Variants in CACNB2 observed in about 807,000 individuals in gnomAD.
CACNB2 encodes the protein voltage-dependent L-type calcium channel subunit beta-2.
In CACNB2, 42 loss-of-function variants were observed where a neutral mutation model predicts 73.3. That is an observed-to-expected ratio of 0.57 (90% CI 0.45 to 0.74). CACNB2 has a LOEUF of 0.74. CACNB2 is among the 30% of genes least tolerant of loss of function. The pLI, the probability that CACNB2 is intolerant of heterozygous loss-of-function variation, is 0.00. For missense variants in CACNB2, 940 were observed against 853.0 expected (o/e 1.10, Z -1.27); for synonymous variants, 348 against 310.3 (o/e 1.12, Z -1.28).
intron 2 of CACNB2, among the ~76,000 whole-genome samples, chr10:18,205,361 G>A (rs948503595): frequency 3.9e-5 from 6 of 152,214 alleles, no homozygotes; most frequent in Non-Finnish European, 7.3e-5. Context: ...ACTAAGCGCA[G>A]CAATTAGCCC....
intron 3 of CACNB2, among the ~76,000 whole-genome samples, chr10:18,449,905 A>G (rs1263341259): frequency 1.3e-5 from 2 of 152,220 alleles, no homozygotes; most frequent in East Asian, 3.9e-4. Context: ...AGTGTTGAGA[A>G]CAAGAGGTAG....
In CACNB2 at chr10:18,261,242, C is replaced by A. The variant is rs894227814; in HGVS notation, c.213+110267C>A. ...GGCACAGTGCAGCTTGGTGAAGCCA[C>A]ACGCTGACTGCGTTCTGCCCCCTCT... On this transcript the variant is annotated intron_variant, in intron 2 of 13. Coordinates refer to ENST00000324631, the MANE Select transcript of CACNB2 (RefSeq NM_201596.3). 3.2e-5 allele frequency: 50 copies of A among 1,550,764 alleles called. No individual in the cohort carries two copies. In the East Asian group the frequency reaches 1.2e-3, roughly 36 times the overall value.
At chr10:18,329,537 A>C (rs958650199) in intron 2 of CACNB2, among the ~76,000 whole-genome samples, 1 of 151,776 alleles carries the variant, frequency 6.6e-6, no homozygotes, top group Admixed American at 6.6e-5. Context: ...GATAAGAAGA[A>C]AGATATAAGC....
At chr10:18,175,588 T>C (rs1203755707) in intron 2 of CACNB2, among the ~76,000 whole-genome samples, 1 of 152,140 alleles carries the variant, frequency 6.6e-6, no homozygotes, top group Non-Finnish European at 1.5e-5. Context: ...TTCCGGCTTC[T>C]TGATGAATTT....
intron 2 of CACNB2, among the ~76,000 whole-genome samples, chr10:18,342,255 A>G (rs2041263956): frequency 6.6e-6 from 1 of 152,184 alleles, no homozygotes; most frequent in Admixed American, 6.5e-5. Flanking sequence ...TCCATTGGCC[A>G]TTTTGAATAT....
intron 2 of CACNB2, among the ~76,000 whole-genome samples, chr10:18,198,929 C>A (rs2131301658): frequency 6.6e-6 from 1 of 152,176 alleles, no homozygotes; most frequent in East Asian, 1.9e-4. Context: ...TATAGCATGG[C>A]ATTCAACTTA....
rs367704022 is a variant in CACNB2 at position 18,242,942 on chromosome 10, G to A, written c.213+91967G>A. 1.3e-4 allele frequency among the ~76,000 whole-genome samples: 20 copies of A among 150,108 alleles called. No individual in the cohort carries two copies. In the East Asian group the frequency reaches 1.4e-3, roughly 10 times the overall value. On this transcript the variant is annotated intron_variant, in intron 2 of 13. Coordinates refer to ENST00000324631, the MANE Select transcript of CACNB2 (RefSeq NM_201596.3). ...GGAGAATGGCATGAACCCGGGAGGC[G>A]GAGCTTGCAGTGAGCCGAGATTGCG...
intron 9 of CACNB2, among the ~76,000 whole-genome samples, chr10:18,519,180 A>T (rs887356568): frequency 1.3e-5 from 2 of 152,130 alleles, no homozygotes; most frequent in African/African-American, 4.8e-5. Context: ...CTGTACCTAC[A>T]TCCATAAGCT....
chr10:18,467,154 T>C (rs1707177196), intron 3 of CACNB2, among the ~76,000 whole-genome samples: 1 of 152,162 alleles, frequency 6.6e-6, no homozygotes, highest in African/African-American at 2.4e-5. Flanking sequence ...ACTCTGTGTT[T>C]GTTAAATAAA....
intron 2 of CACNB2, among the ~76,000 whole-genome samples, chr10:18,310,714 G>A (rs2039932585): frequency 6.6e-6 from 1 of 150,914 alleles, no homozygotes; most frequent in Non-Finnish European, 1.5e-5. Flanking sequence ...CTAGTAGCTG[G>A]GATTACAGGC....
chr10:18,447,280 C>T (rs757360587), intron 3 of CACNB2, among the ~76,000 whole-genome samples: 19 of 151,972 alleles, frequency 1.3e-4, no homozygotes, highest in Admixed American at 7.9e-4. Context: ...CACCATAGAC[C>T]GTGTATTTGG....
chr10:18,419,834 C>A (rs1319324428), intron 3 of CACNB2, among the ~76,000 whole-genome samples: 1 of 152,170 alleles, frequency 6.6e-6, no homozygotes, highest in Non-Finnish European at 1.5e-5. Context: ...AGCTTGTGAT[C>A]AGCTGTGACA....
At chr10:18,217,132 A>T (rs970001673) in intron 2 of CACNB2, among the ~76,000 whole-genome samples, 2 of 152,174 alleles carry the variant, frequency 1.3e-5, no homozygotes, top group African/African-American at 4.8e-5. Context: ...ACCCCAGGAA[A>T]TCCCCTTCCC....
chr10:18,534,639 GTTTGAGGGGAAAA>G (rs1564667249), intron 11 of CACNB2, among the ~76,000 whole-genome samples: 1 of 152,204 alleles, frequency 6.6e-6, no homozygotes, highest in Non-Finnish European at 1.5e-5. Flanking sequence ...TGCTTTCGCA[GTTTGAGGGGAAAA>G]AAAGCCAATT....
At chr10:18,453,202 G>A (rs1018055229) in intron 3 of CACNB2, among the ~76,000 whole-genome samples, 2 of 151,964 alleles carry the variant, frequency 1.3e-5, no homozygotes, top group Admixed American at 6.6e-5. Flanking sequence ...CTCTCCCCAC[G>A]ACAGCTGGAG....
rs1253721095 is a variant in CACNB2 at position 18,276,221 on chromosome 10, G to A, written c.213+125246G>A. Among the ~76,000 whole-genome samples, 4 of 152,174 alleles carry A rather than the reference G, an allele frequency of 2.6e-5. No homozygotes were observed. The East Asian group carries it at 7.7e-4, about 29-fold the overall frequency. On this transcript the variant is annotated intron_variant, in intron 2 of 13. Transcript: ENST00000324631. ...TAAATTAAACTTAGAATCAAAGAGTGAAACCAGAATAAGCAACGTTAAGAA... is the reference window on the plus strand; with the variant it reads ...TAAATTAAACTTAGAATCAAAGAGTAAAACCAGAATAAGCAACGTTAAGAA...
Position 18,286,489 on chromosome 10 carries a change from A to G in CACNB2, c.214-115435A>G, listed in dbSNP as rs190165514. On this transcript the variant is annotated intron_variant, in intron 2 of 13. Coordinates refer to ENST00000324631, the MANE Select transcript of CACNB2 (RefSeq NM_201596.3). Reference sequence around the variant, plus strand: ...GCCGAGATAGCGCCACTGCACTCCGACCTGGGCAAAAGAGCGAGATTCTGT... The same window carrying G: ...GCCGAGATAGCGCCACTGCACTCCGGCCTGGGCAAAAGAGCGAGATTCTGT... Among the ~76,000 whole-genome samples the G allele has an allele frequency of 5.5e-3, 698 of 127,866 alleles. 17 individuals are homozygous for G. In the South Asian group the frequency reaches 0.066, roughly 12 times the overall value. The allele number at this position is 127,866 out of a possible 152,430, so 83.9% of individuals were successfully genotyped here. A position where few individuals can be genotyped will look rare whatever the true frequency, so the allele number is the denominator to read the frequency against.
rs111549577 is a variant in CACNB2, at chr10:18,516,353, T to C, written c.805-1983T>C. Among the ~76,000 whole-genome samples, 446 of 152,324 alleles carry C rather than the reference T, an allele frequency of 2.9e-3. 3 individuals carry two copies. The highest frequency in any genetic ancestry group is 0.01 in the African/African-American group (434 of 41,578). The stretch of plus-strand genomic sequence containing the variant: ...GTAATTTCTGTAGCTACCCTATTGA[T>C]TAAGAAGCTGATTGATTACCAGCAA... On this transcript the variant is annotated intron_variant, in intron 7 of 13. Transcript: ENST00000324631.
intron 2 of CACNB2, among the ~76,000 whole-genome samples, chr10:18,202,378 T>C (rs1036653250): frequency 1.3e-5 from 2 of 152,296 alleles, no homozygotes; most frequent in Non-Finnish European, 2.9e-5. Flanking sequence ...CATATACTGA[T>C]CTTCTCTGGG....
Sources: gnomAD v4.1 joint callset for allele counts (sites outside exome capture counted in the v4.1 genomes callset) on GRCh38, gnomAD v4.1.1 for gene constraint, MANE v1.5 for transcripts, NCBI Gene and HGNC (gene_info 2026-07-23, HGNC 2026-07-21) for gene names.